Variants in NOVA1 observed in about 807,000 individuals in gnomAD.
NOVA1 encodes the protein NOVA alternative splicing regulator 1.
NOVA1 carries 7 observed loss-of-function variants against 38.0 expected under a neutral mutation model. The ratio of observed to expected loss-of-function variants is 0.18; its 90% CI spans 0.10 to 0.35. The LOEUF (loss-of-function observed/expected upper bound fraction) is 0.35, where lower values mean the gene tolerates loss of function less well. NOVA1 is among the 10% of genes least tolerant of loss of function. NOVA1 has a pLI of 1.00. For synonymous variants in NOVA1, 270 were observed against 232.5 expected, an observed-to-expected ratio of 1.16 and a Z score of -1.47; for missense variants, 460 against 616.0, an observed-to-expected ratio of 0.75 and a Z score of 2.68.
intron 2 of NOVA1, among the ~76,000 whole-genome samples, chr14:26,523,357 G>C (rs1889041715): frequency 6.6e-6 from 1 of 152,130 alleles, no homozygotes; most frequent in African/African-American, 2.4e-5. Context: ...ACAATACTGT[G>C]CCACCTTATT....
At chr14:26,533,958 G>GT (rs1889898950) in intron 2 of NOVA1, among the ~76,000 whole-genome samples, 1 of 152,164 alleles carries the variant, frequency 6.6e-6, no homozygotes, top group African/African-American at 2.4e-5. Flanking sequence ...TCAGACTGCT[G>GT]TATGTGATAT....
In NOVA1 at chr14:26,511,499, G is replaced by A. The variant is rs146348674; in HGVS notation, c.281-31356C>T. Among the ~76,000 whole-genome samples, 907 of 152,232 alleles carry A rather than the reference G, an allele frequency of 6.0e-3. 11 individuals are homozygous for A. Among genetic ancestry groups the A allele is most frequent in the Middle Eastern group, 0.02 (6 of 294 alleles). On this transcript the variant is annotated intron_variant, in intron 2 of 4. Coordinates refer to ENST00000539517, the MANE Select transcript of NOVA1 (RefSeq NM_002515.3). Reference sequence around the variant, plus strand: ...GAAGAGCTTCCTGGCCGGGCGCGGTGACTCATGCCTGTAATCCCAGCACTA... The same window carrying A: ...GAAGAGCTTCCTGGCCGGGCGCGGTAACTCATGCCTGTAATCCCAGCACTA...
chr14:26,559,040 A>T (rs2067152366), intron 2 of NOVA1, among the ~76,000 whole-genome samples: 1 of 152,066 alleles, frequency 6.6e-6, no homozygotes, highest in African/African-American at 2.4e-5. Context: ...ACTTTGAGAT[A>T]AATTTTCAAC....
intron 2 of NOVA1, among the ~76,000 whole-genome samples, chr14:26,592,065 T>C (rs1413180345): frequency 1.3e-5 from 2 of 151,568 alleles, no homozygotes; most frequent in African/African-American, 2.4e-5. Context: ...TATACTATGA[T>C]ATGTTCTAAA....
intron 2 of NOVA1, among the ~76,000 whole-genome samples, chr14:26,507,331 T>C (rs532610193): frequency 1.2e-4 from 19 of 152,102 alleles, no homozygotes; most frequent in African/African-American, 3.6e-4. Context: ...TTTCTGAAAA[T>C]CTTATCATAG....
intron 2 of NOVA1, among the ~76,000 whole-genome samples, chr14:26,518,990 A>G (rs1042087874): frequency 2.6e-5 from 4 of 152,098 alleles, no homozygotes; most frequent in African/African-American, 9.6e-5. Context: ...TTCAGAAGGA[A>G]ATACCTGGGT....
At chr14:26,462,424 C>T (rs1883757336) in intron 4 of NOVA1, among the ~76,000 whole-genome samples, 1 of 151,912 alleles carries the variant, frequency 6.6e-6, no homozygotes, top group Non-Finnish European at 1.5e-5. Context: ...GTGCTCTTAT[C>T]ATGTGATAGT....
intron 4 of NOVA1, 132 bp from the exon 5 acceptor site, chr14:26,449,095 C>T: frequency 1.2e-6 from 1 of 832,998 alleles, no homozygotes; most frequent in Non-Finnish European, 1.7e-6. Flanking sequence ...AATATCACAA[C>T]TTTAAAGTGA....
chr14:26,515,743 T>A (rs186711553), intron 2 of NOVA1, among the ~76,000 whole-genome samples: 2 of 152,226 alleles, frequency 1.3e-5, no homozygotes, highest in Non-Finnish European at 2.9e-5. Flanking sequence ...ATTATTGTAT[T>A]ACTTTATCTG....
At chr14:26,582,597 T>A (rs889477224) in intron 2 of NOVA1, among the ~76,000 whole-genome samples, 1 of 151,794 alleles carries the variant, frequency 6.6e-6, no homozygotes, top group Non-Finnish European at 1.5e-5. Flanking sequence ...ATACTAAATA[T>A]GTTAGCATTA....
chr14:26,578,700 T>C (rs1334708315), intron 2 of NOVA1, among the ~76,000 whole-genome samples: 1 of 152,186 alleles, frequency 6.6e-6, no homozygotes, highest in Non-Finnish European at 1.5e-5. Context: ...TATCATCATA[T>C]ATTGTGTAGC....
intron 2 of NOVA1, among the ~76,000 whole-genome samples, chr14:26,513,244 A>T (rs1233504323): frequency 6.6e-6 from 1 of 151,946 alleles, no homozygotes; most frequent in Non-Finnish European, 1.5e-5. Flanking sequence ...AATAGGCTCA[A>T]ATTAATTCTG....
chr14:26,478,030 T>C (rs1425180003), intron 3 of NOVA1, among the ~76,000 whole-genome samples: 1 of 152,034 alleles, frequency 6.6e-6, no homozygotes, highest in African/African-American at 2.4e-5. Flanking sequence ...ACAATACTTC[T>C]AATTCCATGA....
intron 4 of NOVA1, among the ~76,000 whole-genome samples, chr14:26,462,082 T>G (rs2138613602): frequency 6.6e-6 from 1 of 152,302 alleles, no homozygotes; most frequent in South Asian, 2.1e-4. Context: ...AGATTTTTTT[T>G]TTGTAAATTC....
At chr14:26,547,505 T>C (rs1217229769) in intron 2 of NOVA1, among the ~76,000 whole-genome samples, 1 of 152,100 alleles carries the variant, frequency 6.6e-6, no homozygotes, top group East Asian at 1.9e-4. Context: ...TGGCTAAATA[T>C]TGAATCAAGT....
intron 2 of NOVA1, among the ~76,000 whole-genome samples, chr14:26,496,278 G>A (rs1244469575): frequency 3.3e-5 from 5 of 152,076 alleles, no homozygotes; most frequent in Non-Finnish European, 7.4e-5. Context: ...TGTGTTTTTT[G>A]GCTGCATAAA....
chr14:26,554,519 G>A (rs1891366099), intron 2 of NOVA1, among the ~76,000 whole-genome samples: 1 of 152,122 alleles, frequency 6.6e-6, no homozygotes, highest in African/African-American at 2.4e-5. Flanking sequence ...TTAAATTCAA[G>A]TTAAACTGAC....
intron 4 of NOVA1, among the ~76,000 whole-genome samples, chr14:26,471,078 A>G (rs1884549136): frequency 2.1e-5 from 2 of 93,378 alleles, no homozygotes; most frequent in Non-Finnish European, 4.7e-5. Flanking sequence ...TGGGTTTTAC[A>G]ACACTGCAGA....
At chr14:26,508,105 G>A (rs1311543375) in intron 2 of NOVA1, among the ~76,000 whole-genome samples, 3 of 151,940 alleles carry the variant, frequency 2.0e-5, no homozygotes, top group African/African-American at 7.2e-5. Context: ...AACTGCTGTT[G>A]TTCATACTAC....
Sources: allele counts gnomAD v4.1 joint callset (sites outside exome capture counted in the v4.1 genomes callset), GRCh38; gene constraint gnomAD v4.1.1; transcripts MANE v1.5; gene names NCBI Gene and HGNC (gene_info 2026-07-23, HGNC 2026-07-21).